The following TAOK1 variants were observed in gnomAD, a reference collection of about 807,000 sequenced individuals.
TAOK1 encodes TAO kinase 1, also known as serine/threonine-protein kinase TAO1.
A neutral mutation model predicts 138.3 loss-of-function variants in TAOK1; 21 were observed. The ratio of observed to expected loss-of-function variants is 0.15; its 90% CI spans 0.11 to 0.22. TAOK1 has a LOEUF of 0.22. Among genes scored for constraint, TAOK1 ranks in the 10% least tolerant of loss-of-function variants. The pLI is 1.00. For missense variants in TAOK1, 651 were observed against 1,227.7 expected (o/e 0.53, Z 7.02); for synonymous variants, 361 against 398.4 (o/e 0.91, Z 1.12).
chr17:29,399,283 G>A (rs562381602), intron 1 of TAOK1, among the ~76,000 whole-genome samples: 4 of 152,056 alleles, frequency 2.6e-5, no homozygotes, highest in African/African-American at 9.6e-5. Context: ...AGGATGAGTT[G>A]CATTATATAA....
At chr17:29,459,991 T>A (rs952627659) in intron 2 of TAOK1, among the ~76,000 whole-genome samples, 1 of 152,240 alleles carries the variant, frequency 6.6e-6, no homozygotes. Flanking sequence ...TTCATTGTTA[T>A]ATTGGAAAGT....
chr17:29,405,503 G>A (rs1380381276), intron 1 of TAOK1, among the ~76,000 whole-genome samples: 1 of 152,176 alleles, frequency 6.6e-6, no homozygotes, highest in Non-Finnish European at 1.5e-5. Context: ...TTTAGGCCAG[G>A]AGTGGTGGCT....
At chr17:29,475,554 C>A in intron 3 of TAOK1, 116 bp from the exon 4 acceptor site, 1 of 704,026 alleles carries the variant, frequency 1.4e-6, no homozygotes, top group Non-Finnish European at 2.3e-6. Context: ...TAAGTAAAAC[C>A]AAGCAAAGTT....
chr17:29,480,502 C>A, intron 7 of TAOK1, 21 bp downstream of exon 7: 1 of 1,573,728 alleles, frequency 6.4e-7, no homozygotes, highest in South Asian at 1.1e-5. Flanking sequence ...TTAAAGCAGT[C>A]AGCAGCTGTT....
intron 6 of TAOK1, 52 bp downstream of exon 6, chr17:29,478,399 C>G (rs2030990098): frequency 7.2e-6 from 9 of 1,249,372 alleles, no homozygotes; most frequent in Non-Finnish European, 9.9e-6. Flanking sequence ...GTTGCATATA[C>G]CAACTTTAGA....
intron 6 of TAOK1, among the ~76,000 whole-genome samples, chr17:29,479,083 CCACTGTACACACTGTA>C (rs1750647193): frequency 6.6e-6 from 1 of 151,682 alleles, no homozygotes; most frequent in Admixed American, 6.6e-5. Flanking sequence ...TGAGATTGTG[CCACTGTACACACTGTA>C]CACTGTACCA....
chr17:29,393,009 G>A (rs191158186), intron 1 of TAOK1, among the ~76,000 whole-genome samples: 98 of 152,176 alleles, frequency 6.4e-4, no homozygotes, highest in South Asian at 3.1e-3. Flanking sequence ...TTTCTCAGAA[G>A]ATGGAATTCT....
At chr17:29,477,345 T>G (rs1409514694) in intron 4 of TAOK1, among the ~76,000 whole-genome samples, 3 of 151,924 alleles carry the variant, frequency 2.0e-5, no homozygotes, top group Non-Finnish European at 4.4e-5. Context: ...TCTTTATAAT[T>G]TTAATTAGTA....
intron 1 of TAOK1, among the ~76,000 whole-genome samples, chr17:29,393,052 A>C (rs1875514045): frequency 6.6e-6 from 1 of 152,152 alleles, no homozygotes; most frequent in Non-Finnish European, 1.5e-5. Flanking sequence ...GGTCATCTCA[A>C]TTCATTGAAA....
chr17:29,454,753 G>C (rs1476024877), intron 2 of TAOK1, among the ~76,000 whole-genome samples: 1 of 151,680 alleles, frequency 6.6e-6, no homozygotes. Flanking sequence ...CCAGGTTAGA[G>C]TGCAGTGGTG....
chr17:29,532,574 C>T (rs886268665), intron 18 of TAOK1, among the ~76,000 whole-genome samples: 1 of 152,088 alleles, frequency 6.6e-6, no homozygotes, highest in African/African-American at 2.4e-5. Context: ...CTTCAAGCAT[C>T]TGTTTAACAA....
chr17:29,419,632 C>T (rs1238471158), intron 1 of TAOK1, among the ~76,000 whole-genome samples: 1 of 151,680 alleles, frequency 6.6e-6, no homozygotes, highest in Non-Finnish European at 1.5e-5. Flanking sequence ...GCTGGGACCA[C>T]AGGCACACAC....
chr17:29,529,290 A>G (rs972481842), intron 17 of TAOK1, among the ~76,000 whole-genome samples: 1 of 152,140 alleles, frequency 6.6e-6, no homozygotes, highest in African/African-American at 2.4e-5. Context: ...AATTCATGAG[A>G]AAAAATTTAA....
chr17:29,522,656 C>T (rs1275300487), intron 17 of TAOK1, 137 bp downstream of exon 17: 7 of 1,329,964 alleles, frequency 5.3e-6, no homozygotes, highest in African/African-American at 3.0e-5. Context: ...CTTTGGTTGA[C>T]TTTAATGTTA....
intron 1 of TAOK1, among the ~76,000 whole-genome samples, chr17:29,414,626 G>A (rs144055948): frequency 0.039 from 5,764 of 148,320 alleles, 153 homozygotes; most frequent in Middle Eastern, 0.075. Flanking sequence ...GCACAATCTC[G>A]GCTCATTGCA....
intron 8 of TAOK1, among the ~76,000 whole-genome samples, chr17:29,484,033 A>T (rs1042986177): frequency 6.6e-6 from 1 of 152,154 alleles, no homozygotes; most frequent in African/African-American, 2.4e-5. Flanking sequence ...TCATTGATAT[A>T]TTTTAAGATT....
intron 17 of TAOK1, among the ~76,000 whole-genome samples, chr17:29,524,786 AT>A (rs548714148): frequency 1.1e-4 from 17 of 152,064 alleles, no homozygotes; most frequent in Non-Finnish European, 1.9e-4. Flanking sequence ...CAGTTGGAAC[AT>A]TTTATTTATG....
intron 2 of TAOK1, 95 bp from the exon 3 acceptor site, chr17:29,467,050 G>C: frequency 1.2e-6 from 1 of 834,380 alleles, no homozygotes. Flanking sequence ...TTTTTGACAT[G>C]GTAGTTTACA....
rs559839858 is a variant in TAOK1, at chr17:29,523,348, T to A, written c.2148+829T>A. Among the ~76,000 whole-genome samples, 640 of 152,200 alleles carry A rather than the reference T, an allele frequency of 4.2e-3. 3 individuals are homozygous for A. Among genetic ancestry groups the A allele is most frequent in the Non-Finnish European group, 6.3e-3 (429 of 67,990 alleles). On this transcript the variant is annotated intron_variant, in intron 17 of 19. Transcript: ENST00000261716. ...CCTCCAGCCACCTGGTCCATCTCCC[T>A]CCATCAAAGTCAACTGCAGTTAACA...
Sources: gnomAD v4.1 joint callset for allele counts (sites outside exome capture counted in the v4.1 genomes callset) on GRCh38, gnomAD v4.1.1 for gene constraint, MANE v1.5 for transcripts, NCBI Gene and HGNC (gene_info 2026-07-23, HGNC 2026-07-21) for gene names.